SPOCK3: variants seen among roughly 807,000 people sequenced by gnomAD.
SPOCK3 encodes the protein testican-3.
A neutral mutation model predicts 56.6 loss-of-function variants in SPOCK3; 30 were observed. The observed-to-expected ratio is 0.53, with a 90% CI of 0.40 to 0.72. The LOEUF (loss-of-function observed/expected upper bound fraction) is 0.72. Ranked by LOEUF, SPOCK3 falls within the 30% of genes least tolerant of loss-of-function variation. The pLI is 0.00. For missense variants in SPOCK3, 527 were observed against 530.0 expected, an observed-to-expected ratio of 0.99 and a Z score of 0.06; for synonymous variants, 196 against 183.3, an observed-to-expected ratio of 1.07 and a Z score of -0.56.
intron 7 of SPOCK3, among the ~76,000 whole-genome samples, chr4:166,767,738 T>C (rs1162783127): frequency 1.3e-5 from 2 of 152,182 alleles, no homozygotes; most frequent in African/African-American, 2.4e-5. Flanking sequence ...AATTCCTGGA[T>C]ATCCTTGTTA....
chr4:166,861,456 A>G (rs1360111901), intron 6 of SPOCK3, among the ~76,000 whole-genome samples: 1 of 152,154 alleles, frequency 6.6e-6, no homozygotes, highest in Non-Finnish European at 1.5e-5. Flanking sequence ...TTCCACTTCA[A>G]AATTCTAGGT....
intron 4 of SPOCK3, among the ~76,000 whole-genome samples, chr4:166,921,937 G>T (rs1579656615): frequency 3.9e-5 from 6 of 152,034 alleles, no homozygotes; most frequent in African/African-American, 1.2e-4. Flanking sequence ...TACAACGGGG[G>T]TCCCCAAAAG....
At chr4:167,053,302 G>C (rs1448827221) in intron 3 of SPOCK3, among the ~76,000 whole-genome samples, 1 of 151,972 alleles carries the variant, frequency 6.6e-6, no homozygotes, top group Non-Finnish European at 1.5e-5. Context: ...TAGCTGCCGT[G>C]TATCTGTCTC....
At chr4:167,205,389 ATTT>A (rs1329990260) in intron 2 of SPOCK3, among the ~76,000 whole-genome samples, 4 of 41,370 alleles carry the variant, frequency 9.7e-5, no homozygotes, top group African/African-American at 4.9e-4. Flanking sequence ...TAATATATAT[ATTT>A]TATATATAAT....
intron 6 of SPOCK3, among the ~76,000 whole-genome samples, chr4:166,854,316 A>T (rs895433284): frequency 5.9e-5 from 9 of 152,142 alleles, no homozygotes; most frequent in Admixed American, 2.0e-4. Context: ...TACACAATAA[A>T]CTCTGAATAA....
intron 6 of SPOCK3, among the ~76,000 whole-genome samples, chr4:166,871,560 G>T (rs910180666): frequency 6.6e-6 from 1 of 151,968 alleles, no homozygotes; most frequent in Non-Finnish European, 1.5e-5. Flanking sequence ...TGAACACTTG[G>T]TTAAAACGTT....
intron 5 of SPOCK3, among the ~76,000 whole-genome samples, chr4:166,904,160 C>G (rs1242814028): frequency 6.6e-6 from 1 of 151,794 alleles, no homozygotes; most frequent in Admixed American, 6.6e-5. Flanking sequence ...CTGCTCCTTA[C>G]TAGTTCTATC....
At chr4:167,142,586 G>A (rs142054286) in intron 2 of SPOCK3, among the ~76,000 whole-genome samples, 3 of 152,010 alleles carry the variant, frequency 2.0e-5, no homozygotes, top group East Asian at 3.9e-4. Flanking sequence ...ACAAACAAAC[G>A]GAAGAAAATA....
chr4:167,106,194 A>G (rs866367838), intron 2 of SPOCK3, among the ~76,000 whole-genome samples: 1 of 151,916 alleles, frequency 6.6e-6, no homozygotes, highest in South Asian at 2.1e-4. Flanking sequence ...TCTTCAACAC[A>G]TGGATCATTC....
chr4:167,150,564 G>A (rs1292759575), intron 2 of SPOCK3, among the ~76,000 whole-genome samples: 7 of 152,054 alleles, frequency 4.6e-5, no homozygotes, highest in African/African-American at 1.7e-4. Context: ...AGCTTAGACC[G>A]TACTGAAAAA....
intron 2 of SPOCK3, among the ~76,000 whole-genome samples, chr4:167,106,714 T>C (rs1195289422): frequency 6.6e-6 from 1 of 151,098 alleles, no homozygotes; most frequent in East Asian, 1.9e-4. Context: ...AAAGTTGTTT[T>C]TTTTTTTTGA....
chr4:166,951,890 T>C (rs535334797), intron 4 of SPOCK3, among the ~76,000 whole-genome samples: 31 of 152,308 alleles, frequency 2.0e-4, no homozygotes, highest in African/African-American at 5.8e-4. Context: ...CAACACTTGA[T>C]GCTAAAAACT....
chr4:166,997,631 T>C (rs1345511989), intron 4 of SPOCK3, among the ~76,000 whole-genome samples: 3 of 152,130 alleles, frequency 2.0e-5, no homozygotes, highest in Non-Finnish European at 4.4e-5. Context: ...CAGCAGTAAA[T>C]AAGACACCTT....
chr4:166,767,085 C>T lies in SPOCK3; in HGVS notation c.710-12356G>A, dbSNP rs540943960. ...CTATTTGATTCTTCTCTCTTTTCTT[C>T]TTTATTACTCTGGCTAGCAGTCTAT... On this transcript the variant is annotated intron_variant, in intron 7 of 10. Transcript: ENST00000357545. Among the ~76,000 whole-genome samples the T allele has an allele frequency of 2.0e-5, 3 of 152,140 alleles. No individual in the cohort carries two copies. The South Asian group carries it at 6.2e-4, about 32-fold the overall frequency.
chr4:166,839,290 G>A (rs1053276298), intron 6 of SPOCK3, among the ~76,000 whole-genome samples: 2 of 152,088 alleles, frequency 1.3e-5, no homozygotes, highest in African/African-American at 4.8e-5. Flanking sequence ...TGAGTGAGAG[G>A]GGAGTTCTTA....
intron 6 of SPOCK3, 120 bp downstream of exon 6, chr4:166,889,010 A>G: frequency 3.0e-6 from 2 of 659,840 alleles, no homozygotes; most frequent in Non-Finnish European, 5.4e-6. Context: ...AAAAATATAA[A>G]TGATATTGGG....
intron 2 of SPOCK3, among the ~76,000 whole-genome samples, chr4:167,086,833 C>T (rs918411155): frequency 6.6e-6 from 1 of 152,094 alleles, no homozygotes; most frequent in African/African-American, 2.4e-5. Context: ...ACGCACAAAA[C>T]AGTTGACTGA....
intron 2 of SPOCK3, among the ~76,000 whole-genome samples, chr4:167,112,448 C>G (rs1189729507): frequency 6.6e-6 from 1 of 152,114 alleles, no homozygotes; most frequent in African/African-American, 2.4e-5. Context: ...CTACCTACTT[C>G]ATTCCCATAT....
intron 2 of SPOCK3, among the ~76,000 whole-genome samples, chr4:167,218,693 A>T (rs929652375): frequency 6.6e-6 from 1 of 152,166 alleles, no homozygotes; most frequent in African/African-American, 2.4e-5. Context: ...TGAATTAAAC[A>T]TGTCATTCCC....
Sources: gnomAD v4.1 joint callset for allele counts (sites outside exome capture counted in the v4.1 genomes callset) on GRCh38, gnomAD v4.1.1 for gene constraint, MANE v1.5 for transcripts, NCBI Gene and HGNC (gene_info 2026-07-23, HGNC 2026-07-21) for gene names.